Variants in SGSM2 observed in about 807,000 individuals in gnomAD.
SGSM2 encodes the protein small G protein signaling modulator 2.
In SGSM2, 89 loss-of-function variants were observed where a neutral mutation model predicts 126.6. The observed-to-expected ratio is 0.70, with a 90% CI of 0.59 to 0.84. SGSM2 has a LOEUF of 0.84. Ranked by LOEUF, SGSM2 falls within the 40% of genes least tolerant of loss-of-function variation. SGSM2 has a pLI of 0.00. For missense variants in SGSM2, 1,404 were observed against 1,416.6 expected, an observed-to-expected ratio of 0.99 and a Z score of 0.14; for synonymous variants, 614 against 574.3, an observed-to-expected ratio of 1.07 and a Z score of -0.99.
rs140014011 is a variant in SGSM2, at chr17:2,365,236, C to T, written c.1183C>T (p.Arg395Trp). 1.4e-4 allele frequency: 231 copies of T among 1,612,566 alleles called. No homozygotes were observed. The highest frequency in any genetic ancestry group is 5.0e-4 in the Middle Eastern group (3 of 6,056). Residue 395 changes from arginine (R) to tryptophan (W), a missense_variant, in exon 11 of 24, where the codon CGG (arginine) becomes TGG (tryptophan). Physicochemically the swap from Arg to Trp is moderately radical, Grantham distance 101. Transcript: ENST00000268989. ...ACAGGGGAAAGTGTTCCCCAAGCTA[C>T]GGAAACGAAGCAGCATTCGCTCCGT... ...QGKGKVFPKLRKRSSIRSVDM... is the reference protein window; with the variant it reads ...QGKGKVFPKLWKRSSIRSVDM...
intron 17 of SGSM2, 31 bp from the exon 18 acceptor site, chr17:2,375,461 C>A: frequency 6.4e-7 from 1 of 1,573,718 alleles, no homozygotes; most frequent in Non-Finnish European, 8.6e-7. Flanking sequence ...TGCTGGAGTG[C>A]AGGTGGAGCC....
Position 2,363,336 on chromosome 17 carries a change from C to A in SGSM2, c.673-129C>A. The A allele has an allele frequency of 6.9e-7, 1 of 1,454,818 alleles. No homozygotes were observed. The allele number at this position is 1,454,818 out of a possible 1,614,324, so 90.1% of individuals were successfully genotyped here. On this transcript the variant is annotated intron_variant, in intron 6 of 23. Transcript: ENST00000268989. The surrounding 1 kb of genome is among the most constrained non-coding windows in gnomAD (Gnocchi z 4.2). ...TCCGTGGCTGGAGAGCAGAGGGTGG[C>A]TGGGAGTAAACCGGGGCAGGAAGGA...
In SGSM2 at chr17:2,364,998, G is replaced by T. The variant is rs1409888553; in HGVS notation, c.1102G>T (p.Glu368Ter). 1 of 1,613,674 alleles carries T rather than the reference G, an allele frequency of 6.2e-7. No homozygotes were observed. Residue 368 changes from glutamate to a stop codon, truncating the protein, a stop_gained, in exon 10 of 24, where the codon GAG (glutamate) becomes TAG (stop). Transcript: ENST00000268989. LOFTEE classifies it high-confidence loss of function. ...GHLLSFLSCL[E>*]NGLLPRGQLE... ...CCTGCTGTCCTTTCTGTCCTGTCTG[G>T]AGAATGGGCTGCTGCCTCGGGGACA...
intron 23 of SGSM2, 61 bp from the exon 24 acceptor site, chr17:2,379,371 C>T (rs574380313): frequency 6.4e-7 from 1 of 1,574,392 alleles, no homozygotes; most frequent in East Asian, 2.3e-5. Context: ...GGTAGTCAGC[C>T]ACCTCCTAGC....
At chr17:2,364,431 G>A (rs1267758505) in intron 8 of SGSM2, 165 bp from the exon 9 acceptor site, 1 of 835,146 alleles carries the variant, frequency 1.2e-6, no homozygotes, top group Non-Finnish European at 1.9e-6. Context: ...CATGTGCCGA[G>A]CGGGCAGCAC....
chr17:2,372,623 A>C lies in SGSM2; in HGVS notation c.1788+135A>C. On this transcript the variant is annotated intron_variant, in intron 15 of 23. Transcript: ENST00000268989. This position sits in a 1 kb window ranked among gnomAD's most constrained non-coding sequence, Gnocchi z 6.0. Reference sequence around the variant, plus strand: ...GCCACGGAGTGACCAGGGTCCCGGCAGAATCTCTTGCAGCTGGGCCTGGGG... The same window carrying C: ...GCCACGGAGTGACCAGGGTCCCGGCCGAATCTCTTGCAGCTGGGCCTGGGG... 7.8e-7 allele frequency: 1 copy of C among 1,279,180 alleles called. No individual in the cohort carries two copies. Among genetic ancestry groups the C allele is most frequent in the Non-Finnish European group, 1.1e-6 (1 of 923,416 alleles). The allele number at this position is 1,279,180 out of a possible 1,614,324, so 79.2% of individuals were successfully genotyped here.
At chr17:2,339,797 C>T (rs529645679) in intron 1 of SGSM2, among the ~76,000 whole-genome samples, 47 of 152,138 alleles carry the variant, frequency 3.1e-4, no homozygotes, top group Non-Finnish European at 2.2e-4. Context: ...TGTTTGTTCC[C>T]ACCCCTCCCC....
chr17:2,363,272 A>G lies in SGSM2; in HGVS notation c.672+138A>G. On this transcript the variant is annotated intron_variant, in intron 6 of 23. Transcript: ENST00000268989. The surrounding 1 kb of genome is among the most constrained non-coding windows in gnomAD (Gnocchi z 4.2). The stretch of plus-strand genomic sequence containing the variant: ...GCTGCCTCAGAAGAGCCTTCTCCGC[A>G]CAATAAAACTTAACACAAATGCCGG... 1 of 1,339,656 alleles carries G rather than the reference A, an allele frequency of 7.5e-7. No homozygotes were observed. Among genetic ancestry groups the G allele is most frequent in the Non-Finnish European group, 1.0e-6 (1 of 999,018 alleles). The allele number at this position is 1,339,656 out of a possible 1,614,324, so 83.0% of individuals were successfully genotyped here. A position where few individuals can be genotyped will look rare whatever the true frequency, so the allele number is the denominator to read the frequency against.
chr17:2,363,943 C>A lies in SGSM2; in HGVS notation c.808-116C>A. 3 of 1,291,286 alleles carry A rather than the reference C, an allele frequency of 2.3e-6. No homozygotes were observed. The Middle Eastern group carries it at 5.7e-4, about 247-fold the overall frequency. 80.0% of individuals were successfully genotyped at this position (1,291,286 alleles called of 1,614,324 possible). On this transcript the variant is annotated intron_variant, in intron 7 of 23. Transcript: ENST00000268989. The surrounding 1 kb of genome is among the most constrained non-coding windows in gnomAD (Gnocchi z 4.2). Reference sequence around the variant, plus strand: ...TTCTGCCCCGTCCCTAGTCCAGGACCCCGTGACTAGCCTAGCTTGGCCTCC... The same window carrying A: ...TTCTGCCCCGTCCCTAGTCCAGGACACCGTGACTAGCCTAGCTTGGCCTCC...
At position 2,372,882 on chromosome 17, in the gene SGSM2, G is replaced by A. The variant is rs1456924157; in HGVS notation, c.1789-71G>A. 3 of 1,527,770 alleles carry A rather than the reference G, an allele frequency of 2.0e-6. No individual in the cohort carries two copies. Among genetic ancestry groups the A allele is most frequent in the Non-Finnish European group, 2.6e-6 (3 of 1,133,856 alleles). The allele number at this position is 1,527,770 out of a possible 1,614,324, so 94.6% of individuals were successfully genotyped here. On this transcript the variant is annotated intron_variant, in intron 15 of 23. Transcript: ENST00000268989. The surrounding 1 kb of genome is among the most constrained non-coding windows in gnomAD (Gnocchi z 6.0). ...GCCCCGCCCCAGCCCATTCTCCGTG[G>A]GATGGGGCTCACCCAGCTGGGCCAC...
rs576897198 is a variant in SGSM2 at position 2,353,545 on chromosome 17, T to C, written c.134-8092T>C. Among the ~76,000 whole-genome samples the C allele has an allele frequency of 1.8e-4, 28 of 152,292 alleles. 1 individual carries two copies. Among genetic ancestry groups the C allele is most frequent in the African/African-American group, 5.8e-4 (24 of 41,562 alleles). ...TGGAAGGCTGAGACGGGCAGATTGC[T>C]TGAGCTCAGGAGTTCGAGACCAGCC... On this transcript the variant is annotated intron_variant, in intron 2 of 23. Transcript: ENST00000268989.
intron 12 of SGSM2, among the ~76,000 whole-genome samples, chr17:2,368,460 A>G (rs1457468191): frequency 6.6e-6 from 1 of 152,174 alleles, no homozygotes; most frequent in Admixed American, 6.5e-5. Context: ...CCGCCCCTGC[A>G]GAGGATGTCC....
In SGSM2 at chr17:2,364,604, G is replaced by C. The variant is rs748183244; in HGVS notation, c.941G>C (p.Trp314Ser). The part of the protein sequence containing the change: ...GDSELEKSVY[W>S]DYALVVPFSQ... ...GTCTGGTTCCTTTCTAGCGTTTACT[G>C]GGACTATGCCCTCGTGGTGCCCTTC... Residue 314 changes from tryptophan to serine, a missense_variant, in exon 9 of 24, where the codon TGG becomes TCG. Coordinates refer to ENST00000268989, the MANE Select transcript of SGSM2 (RefSeq NM_014853.3). 20 of 1,614,086 alleles carry C rather than the reference G, an allele frequency of 1.2e-5. No homozygotes were observed. In the South Asian group the frequency reaches 2.1e-4, roughly 17 times the overall value.
rs558912791 is a variant in SGSM2, at chr17:2,377,731, C to T, written c.2803-126C>T. 29 of 682,030 alleles carry T rather than the reference C, an allele frequency of 4.3e-5. No homozygotes were observed. The Admixed American group carries it at 6.1e-4, about 14-fold the overall frequency. The allele number at this position is 682,030 out of a possible 1,614,324, so 42.2% of individuals were successfully genotyped here. ...AGAGAGTGCACCGCGCAGCACAGGG[C>T]AACAGACAGACCCACTGCCAGGTTG... is the stretch of plus-strand genomic sequence containing the variant. On this transcript the variant is annotated intron_variant, in intron 21 of 23. Transcript: ENST00000268989.
Position 2,380,239 on chromosome 17 carries a change from C to G in SGSM2, c.*719C>G. The G allele has an allele frequency of 6.5e-7, 1 of 1,535,994 alleles. No individual in the cohort carries two copies. Among genetic ancestry groups the G allele is most frequent in the Non-Finnish European group, 8.7e-7 (1 of 1,146,838 alleles). ...TGTATCTGTACAGCCTCGCTCCTGC[C>G]ACCCCACCCTTGCGTTCTGCATTAG... On this transcript the variant is annotated 3_prime_UTR_variant, in exon 24 of 24. Coordinates refer to ENST00000268989, the MANE Select transcript of SGSM2 (RefSeq NM_014853.3).
Position 2,363,428 on chromosome 17 carries a change from C to T in SGSM2, c.673-37C>T, listed in dbSNP as rs748613445. On this transcript the variant is annotated intron_variant, in intron 6 of 23. Transcript: ENST00000268989. This position sits in a 1 kb window ranked among gnomAD's most constrained non-coding sequence, Gnocchi z 4.2. ...GGTTCCCAAGCCTTGAGGCCAGTTT[C>T]CCAAGGCTGGAGGCTGAGCCCCGGC... 39 of 1,610,684 alleles carry T rather than the reference C, an allele frequency of 2.4e-5. No homozygotes were observed. Among genetic ancestry groups the T allele is most frequent in the Non-Finnish European group, 1.3e-5 (15 of 1,179,722 alleles).
chr17:2,370,599 C>G (rs1284715242), intron 12 of SGSM2, among the ~76,000 whole-genome samples: 1 of 152,264 alleles, frequency 6.6e-6, no homozygotes, highest in Non-Finnish European at 1.5e-5. Flanking sequence ...ACCATGCTAA[C>G]TGCTGTCAGG....
chr17:2,346,910 A>G (rs1457774222), intron 2 of SGSM2, among the ~76,000 whole-genome samples: 3 of 152,026 alleles, frequency 2.0e-5, no homozygotes, highest in African/African-American at 7.3e-5. Flanking sequence ...GCAATATTAC[A>G]GGATGCAGTC....
intron 21 of SGSM2, 40 bp from the exon 22 acceptor site, chr17:2,377,817 C>A: frequency 7.3e-7 from 1 of 1,375,720 alleles, no homozygotes; most frequent in Non-Finnish European, 1.0e-6. Context: ...GCAGCATCGG[C>A]TCAGGGCTCA....
Sources: gnomAD v4.1 joint callset for allele counts (sites outside exome capture counted in the v4.1 genomes callset) on GRCh38, gnomAD v4.1.1 for gene constraint, Gnocchi (gnomAD v3.1) non-coding constraint, MANE v1.5 for transcripts, NCBI Gene and HGNC (gene_info 2026-07-23, HGNC 2026-07-21) for gene names.